The following PTPRM variants were observed in gnomAD, a reference collection of about 807,000 sequenced individuals.
The protein encoded by PTPRM is receptor-type tyrosine-protein phosphatase mu.
PTPRM carries 47 observed loss-of-function variants against 186.7 expected under a neutral mutation model. The ratio of observed to expected loss-of-function variants is 0.25; its 90% CI spans 0.20 to 0.32. The LOEUF (loss-of-function observed/expected upper bound fraction) is 0.32, where lower values mean the gene tolerates loss of function less well. Among genes scored for constraint, PTPRM ranks in the 10% least tolerant of loss-of-function variants. The pLI, the probability that PTPRM is intolerant of heterozygous loss-of-function variation, is 1.00. For synonymous variants in PTPRM, 668 were observed against 674.9 expected (o/e 0.99, Z 0.16); for missense variants, 1,494 against 1,865.0 (o/e 0.80, Z 3.66).
chr18:7,668,051 AG>A lies in PTPRM; in HGVS notation c.73+100163del, dbSNP rs1310094207. On this transcript the variant is annotated intron_variant, in intron 1 of 32. Coordinates refer to ENST00000580170, the MANE Select transcript of PTPRM (RefSeq NM_001105244.2). This position sits in a 1 kb window ranked among gnomAD's most constrained non-coding sequence, Gnocchi z 4.7. Reference sequence around the variant, plus strand: ...AATGTGGAATCAGGTTGGAAGTCCCAGGGTTCATAGTGTCCCCCGTTTTTTA... The same window carrying A: ...AATGTGGAATCAGGTTGGAAGTCCCAGGTTCATAGTGTCCCCCGTTTTTTA... Among the ~76,000 whole-genome samples the A allele has an allele frequency of 6.6e-6, 1 of 152,146 alleles. No individual in the cohort carries two copies. Among genetic ancestry groups the A allele is most frequent in the Non-Finnish European group, 1.5e-5 (1 of 68,024 alleles).
chr18:7,595,617 G>A (rs1315444606), intron 1 of PTPRM, among the ~76,000 whole-genome samples: 5 of 152,222 alleles, frequency 3.3e-5, no homozygotes, highest in African/African-American at 7.2e-5. Flanking sequence ...AGTCTACAGT[G>A]AAGTCTCAGG....
chr18:8,360,665 C>T (rs2095591971), intron 23 of PTPRM, among the ~76,000 whole-genome samples: 1 of 152,272 alleles, frequency 6.6e-6, no homozygotes, highest in East Asian at 1.9e-4. Flanking sequence ...AGACGCACTG[C>T]AGGAGACCAG....
intron 2 of PTPRM, among the ~76,000 whole-genome samples, chr18:7,846,953 C>T (rs747709352): frequency 6.6e-6 from 1 of 151,912 alleles, no homozygotes; most frequent in African/African-American, 2.4e-5. Flanking sequence ...TTTGATTTCT[C>T]TCCCTATTTC....
chr18:8,215,525 T>C (rs1302015195), intron 14 of PTPRM, among the ~76,000 whole-genome samples: 1 of 148,644 alleles, frequency 6.7e-6, no homozygotes, highest in Non-Finnish European at 1.5e-5. Context: ...AGTGCTTTTT[T>C]TTCTTTCTTT....
chr18:8,311,234 A>G (rs151064130), intron 20 of PTPRM, among the ~76,000 whole-genome samples: 1,538 of 152,074 alleles, frequency 0.01, 25 homozygotes, highest in African/African-American at 0.035. Context: ...ACTTGAACCC[A>G]GGAGGCAGAG....
chr18:7,637,057 A>G (rs1408823441), intron 1 of PTPRM, among the ~76,000 whole-genome samples: 1 of 151,578 alleles, frequency 6.6e-6, no homozygotes, highest in South Asian at 2.1e-4. Context: ...AATCCCAGCT[A>G]CTTGGGAGGC....
chr18:7,807,556 T>C (rs1015186705), intron 2 of PTPRM, among the ~76,000 whole-genome samples: 2 of 152,208 alleles, frequency 1.3e-5, no homozygotes, highest in African/African-American at 4.8e-5. Flanking sequence ...GTTACTTAAA[T>C]ATCAAAAAGG....
At chr18:8,050,707 G>A (rs1367298035) in intron 7 of PTPRM, among the ~76,000 whole-genome samples, 1 of 152,130 alleles carries the variant, frequency 6.6e-6, no homozygotes, top group Non-Finnish European at 1.5e-5. Flanking sequence ...TCGTAGATTT[G>A]TGTATTTTTG....
At chr18:8,063,189 G>C (rs1293330119) in intron 7 of PTPRM, among the ~76,000 whole-genome samples, 2 of 151,444 alleles carry the variant, frequency 1.3e-5, no homozygotes, top group Non-Finnish European at 2.9e-5. Context: ...GGTCTGAAAA[G>C]CGCAGTATTC....
intron 7 of PTPRM, among the ~76,000 whole-genome samples, chr18:7,964,881 C>T (rs1177809446): frequency 1.3e-5 from 2 of 152,072 alleles, no homozygotes; most frequent in African/African-American, 4.8e-5. Context: ...CCCTGTTCTG[C>T]AGGGTGGCAA....
At chr18:8,285,013 A>C (rs1420747335) in intron 19 of PTPRM, among the ~76,000 whole-genome samples, 1 of 152,170 alleles carries the variant, frequency 6.6e-6, no homozygotes, top group East Asian at 1.9e-4. Context: ...GAGGATGTGG[A>C]AGACTCAGCC....
intron 11 of PTPRM, among the ~76,000 whole-genome samples, chr18:8,090,369 A>G (rs2090648913): frequency 6.6e-6 from 1 of 152,216 alleles, no homozygotes; most frequent in African/African-American, 2.4e-5. Context: ...TTTTACTGCA[A>G]AGCATCATGA....
intron 2 of PTPRM, among the ~76,000 whole-genome samples, chr18:7,878,893 A>G (rs1206154005): frequency 6.6e-6 from 1 of 152,222 alleles, no homozygotes; most frequent in Non-Finnish European, 1.5e-5. Context: ...AACTTGACGT[A>G]TGGGAAATTA....
intron 2 of PTPRM, among the ~76,000 whole-genome samples, chr18:7,857,061 A>G (rs1340319838): frequency 6.6e-6 from 1 of 152,116 alleles, no homozygotes; most frequent in Non-Finnish European, 1.5e-5. Context: ...TCAATCTCAC[A>G]TGCCATCTCT....
intron 2 of PTPRM, among the ~76,000 whole-genome samples, chr18:7,886,291 T>G (rs1311691975): frequency 6.6e-6 from 1 of 152,250 alleles, no homozygotes; most frequent in African/African-American, 2.4e-5. Context: ...CTGCATGTTT[T>G]GAAGATTTTT....
At chr18:7,620,547 G>A (rs994951969) in intron 1 of PTPRM, among the ~76,000 whole-genome samples, 4 of 152,092 alleles carry the variant, frequency 2.6e-5, no homozygotes, top group African/African-American at 7.2e-5. Context: ...CTGGGGAATC[G>A]GATTCTAGAC....
chr18:7,780,527 C>T (rs1005047632), intron 2 of PTPRM, among the ~76,000 whole-genome samples: 4 of 152,176 alleles, frequency 2.6e-5, no homozygotes, highest in Non-Finnish European at 4.4e-5. Context: ...TATCAATGTG[C>T]AGCTGTTGAC....
At chr18:7,772,994 A>G (rs992602691) in intron 1 of PTPRM, among the ~76,000 whole-genome samples, 6 of 152,210 alleles carry the variant, frequency 3.9e-5, no homozygotes, top group African/African-American at 1.4e-4. Flanking sequence ...TATACTATAA[A>G]AAGTAACAGG....
chr18:8,185,261 G>A (rs182493193), intron 14 of PTPRM, among the ~76,000 whole-genome samples: 1 of 152,308 alleles, frequency 6.6e-6, no homozygotes, highest in East Asian at 1.9e-4. Context: ...GTAGGGCTCA[G>A]CTCTCTGTCC....
Sources: allele counts gnomAD v4.1 joint callset (sites outside exome capture counted in the v4.1 genomes callset), GRCh38; gene constraint gnomAD v4.1.1; non-coding constraint Gnocchi (gnomAD v3.1); transcripts MANE v1.5; gene names NCBI Gene and HGNC (gene_info 2026-07-23, HGNC 2026-07-21).